The following ITGB3 variants were observed in gnomAD, a reference collection of about 807,000 sequenced individuals.
The protein encoded by ITGB3 is integrin subunit beta 3, also known as integrin beta-3.
ITGB3 carries 48 observed loss-of-function variants against 85.8 expected under a neutral mutation model. That is an observed-to-expected ratio of 0.56 (90% confidence interval 0.44 to 0.71). ITGB3 has a LOEUF of 0.71. Among genes scored for constraint, ITGB3 ranks in the 30% least tolerant of loss-of-function variants. The pLI is 0.00. For synonymous variants in ITGB3, 363 were observed against 395.6 expected (o/e 0.92, Z 0.98); for missense variants, 861 against 1,019.1 (o/e 0.84, Z 2.11).
intron 8 of ITGB3, 125 bp from the exon 9 acceptor site, chr17:47,290,829 C>T: frequency 8.9e-7 from 1 of 1,125,792 alleles, no homozygotes; most frequent in South Asian, 1.2e-5. Context: ...AAACCTTGGC[C>T]TCTGGCACTG....
At chr17:47,261,224 G>A (rs1478808154) in intron 1 of ITGB3, among the ~76,000 whole-genome samples, 1 of 152,072 alleles carries the variant, frequency 6.6e-6, no homozygotes, top group Non-Finnish European at 1.5e-5. Flanking sequence ...GCAGACTCTG[G>A]GGAGCCTACA....
intron 12 of ITGB3, among the ~76,000 whole-genome samples, chr17:47,301,594 A>G (rs1162600919): frequency 6.6e-6 from 1 of 152,140 alleles, no homozygotes; most frequent in Non-Finnish European, 1.5e-5. Context: ...ATTACAGGCT[A>G]ATTGATAAGC....
chr17:47,273,208 T>G (rs2065051662), intron 1 of ITGB3, among the ~76,000 whole-genome samples: 1 of 152,228 alleles, frequency 6.6e-6, no homozygotes, highest in African/African-American at 2.4e-5. Flanking sequence ...TGAGAAGTTT[T>G]GGGGACACTG....
chr17:47,308,160 AAATAATAATAAT>A (rs200038305), intron 14 of ITGB3, among the ~76,000 whole-genome samples: 4 of 138,546 alleles, frequency 2.9e-5, no homozygotes, highest in African/African-American at 8.3e-5. Flanking sequence ...TCGGTCTCAA[AAATAATAATAAT>A]AATAATAATA....
At chr17:47,302,360 A>G (rs1425072412) in intron 12 of ITGB3, among the ~76,000 whole-genome samples, 1 of 152,182 alleles carries the variant, frequency 6.6e-6, no homozygotes, top group Non-Finnish European at 1.5e-5. Flanking sequence ...AGGTGGGGGT[A>G]TCATTTTCTT....
rs139137787 is a variant in ITGB3, at chr17:47,280,531, A to C, written c.166-2823A>C. 8.0e-3 allele frequency among the ~76,000 whole-genome samples: 1,222 copies of C among 152,052 alleles called. 14 individuals carry two copies. Among genetic ancestry groups the C allele is most frequent in the African/African-American group, 0.028 (1,179 of 41,466 alleles). ...ACTACCATGCCCAGATAATTTTTGT[A>C]TTTTTAGTGGAGACGGGGTTTTGCC... On this transcript the variant is annotated intron_variant, in intron 2 of 14. Transcript: ENST00000559488.
chr17:47,293,894 C>T (rs2065136606), intron 10 of ITGB3, among the ~76,000 whole-genome samples: 1 of 152,226 alleles, frequency 6.6e-6, no homozygotes. Context: ...GCATGAGCCA[C>T]TGCGCCCAGC....
At chr17:47,294,386 G>C (rs952481392) in intron 10 of ITGB3, among the ~76,000 whole-genome samples, 1 of 152,210 alleles carries the variant, frequency 6.6e-6, no homozygotes, top group African/African-American at 2.4e-5. Flanking sequence ...ATGGCCTGAT[G>C]GTTCCTGGTC....
At chr17:47,291,884 C>G (rs977051708) in intron 9 of ITGB3, among the ~76,000 whole-genome samples, 2 of 152,140 alleles carry the variant, frequency 1.3e-5, no homozygotes, top group Non-Finnish European at 2.9e-5. Context: ...GAAAAAACAG[C>G]CTTTTATTAT....
chr17:47,303,599 T>C (rs2065175582), intron 13 of ITGB3: 1 of 152,346 alleles, frequency 6.6e-6, no homozygotes, highest in Non-Finnish European at 1.5e-5. Flanking sequence ...CTTTCCAAGT[T>C]TACTGCAGGA....
At chr17:47,283,573 G>A (rs2065091946) in intron 3 of ITGB3, 24 bp downstream of exon 3, 1 of 1,611,842 alleles carries the variant, frequency 6.2e-7, no homozygotes, top group African/African-American at 1.3e-5. Flanking sequence ...TCTTTGCGGG[G>A]AGAGACCTGA....
chr17:47,287,929 T>G (rs2143101189), intron 6 of ITGB3, among the ~76,000 whole-genome samples: 1 of 143,234 alleles, frequency 7.0e-6, no homozygotes, highest in East Asian at 2.0e-4. Context: ...TTTTTTTTTT[T>G]TTTTTTTTTT....
At chr17:47,265,463 C>T (rs1307904274) in intron 1 of ITGB3, among the ~76,000 whole-genome samples, 1 of 152,158 alleles carries the variant, frequency 6.6e-6, no homozygotes, top group African/African-American at 2.4e-5. Context: ...GCTGGCAATC[C>T]TTGGTGTTCC....
intron 1 of ITGB3, among the ~76,000 whole-genome samples, chr17:47,272,719 C>CTTTCTTTTTTTTTCTTTT (rs2065049652): frequency 7.4e-6 from 1 of 135,412 alleles, no homozygotes; most frequent in Non-Finnish European, 1.6e-5. Context: ...TTCTTTCTTT[C>CTTTCTTTTTTTTTCTTTT]TTTCTTTCGT....
intron 2 of ITGB3, among the ~76,000 whole-genome samples, chr17:47,282,982 G>T (rs1461515839): frequency 2.4e-4 from 36 of 152,080 alleles, no homozygotes; most frequent in Admixed American, 2.4e-3. Context: ...AAAAATGCTG[G>T]TCTACCAGGC....
At chr17:47,284,387 C>T in intron 3 of ITGB3, 56 bp from the exon 4 acceptor site, 1 of 1,609,752 alleles carries the variant, frequency 6.2e-7, no homozygotes, top group Non-Finnish European at 8.5e-7. Context: ...TCCAAATCTG[C>T]TTATTCAATC....
chr17:47,290,717 C>A (rs2065121837), intron 8 of ITGB3, among the ~76,000 whole-genome samples: 1 of 152,138 alleles, frequency 6.6e-6, no homozygotes, highest in African/African-American at 2.4e-5. Context: ...GTAGCTGGTA[C>A]ATTTTACCCA....
chr17:47,313,193 C>T lies in ITGB3; in HGVS notation c.*2989C>T, dbSNP rs1259817628. Among the ~76,000 whole-genome samples the T allele has an allele frequency of 4.6e-5, 7 of 151,570 alleles. No homozygotes were observed. The highest frequency in any genetic ancestry group is 7.4e-5 in the Non-Finnish European group (5 of 67,918). ...TTCACCATGTTGGCCAGGCTGGTCT[C>T]GAACTCCTGACCTTAGGCGATCCAC... On this transcript the variant is annotated 3_prime_UTR_variant, in exon 15 of 15. Coordinates refer to ENST00000559488, the MANE Select transcript of ITGB3 (RefSeq NM_000212.3).
At chr17:47,262,434 G>A (rs940303815) in intron 1 of ITGB3, among the ~76,000 whole-genome samples, 2 of 152,206 alleles carry the variant, frequency 1.3e-5, no homozygotes, top group African/African-American at 4.8e-5. Flanking sequence ...TCAAATATCA[G>A]GCCATCAGGA....
Sources: allele counts gnomAD v4.1 joint callset (sites outside exome capture counted in the v4.1 genomes callset), GRCh38; gene constraint gnomAD v4.1.1; transcripts MANE v1.5; gene names NCBI Gene and HGNC (gene_info 2026-07-23, HGNC 2026-07-21).